HS3ST5: variants seen among roughly 807,000 people sequenced by gnomAD.
HS3ST5 encodes the protein heparan sulfate-glucosamine 3-sulfotransferase 5, also known as heparan sulfate glucosamine 3-O-sulfotransferase 5.
Under a neutral mutation model 25.4 loss-of-function variants are expected in HS3ST5, and 10 were observed. The observed-to-expected ratio is 0.39, with a 90% CI of 0.24 to 0.67. The LOEUF (loss-of-function observed/expected upper bound fraction) is 0.67, where lower values mean the gene tolerates loss of function less well. HS3ST5 is among the 30% of genes least tolerant of loss of function. HS3ST5 has a pLI of 0.44. For synonymous variants in HS3ST5, 170 were observed against 162.4 expected, an observed-to-expected ratio of 1.05 and a Z score of -0.36; for missense variants, 324 against 420.7, an observed-to-expected ratio of 0.77 and a Z score of 2.01.
intron 2 of HS3ST5, among the ~76,000 whole-genome samples, chr6:114,224,108 A>C (rs1320986482): frequency 3.3e-5 from 5 of 151,484 alleles, no homozygotes; most frequent in Admixed American, 2.6e-4. Flanking sequence ...AAGATTTTTA[A>C]TTCCTAATTT....
At chr6:114,071,384 T>G (rs1773816858) in intron 3 of HS3ST5, among the ~76,000 whole-genome samples, 1 of 152,352 alleles carries the variant, frequency 6.6e-6, no homozygotes, top group Admixed American at 6.5e-5. Context: ...TGCTCTCAGA[T>G]TCCTTGGGAA....
In HS3ST5 at chr6:114,341,362, G is replaced by A. The variant is rs149902093; in HGVS notation, c.-339+833C>T. ...TGAAGTAGGGAAGCGGAAGAGTAGA[G>A]GAAACCCACCAAGGTGAAGTGACTC... On this transcript the variant is annotated intron_variant, in intron 1 of 4. Coordinates refer to ENST00000312719, the MANE Select transcript of HS3ST5 (RefSeq NM_153612.4). 2.3e-3 allele frequency among the ~76,000 whole-genome samples: 350 copies of A among 152,172 alleles called. 3 individuals carry two copies. The highest frequency in any genetic ancestry group is 8.0e-3 in the African/African-American group (332 of 41,522).
rs540845256 is a variant in HS3ST5 at position 114,160,673 on chromosome 6, A to C, written c.-33+7678T>G. On this transcript the variant is annotated intron_variant, in intron 3 of 4. Transcript: ENST00000312719. ...AATGCACCATTAACATTTTAAAAGAAAGTTCTCTAGTTCTTACCAAAAAGA... is the reference window on the plus strand; with the variant it reads ...AATGCACCATTAACATTTTAAAAGACAGTTCTCTAGTTCTTACCAAAAAGA... 8.5e-5 allele frequency among the ~76,000 whole-genome samples: 13 copies of C among 152,314 alleles called. No individual in the cohort carries two copies. In the South Asian group the frequency reaches 2.7e-3, roughly 32 times the overall value.
intron 2 of HS3ST5, among the ~76,000 whole-genome samples, chr6:114,223,505 T>C (rs556146520): frequency 2.6e-5 from 4 of 151,912 alleles, no homozygotes; most frequent in East Asian, 1.9e-4. Context: ...AAAATTATTA[T>C]CATCTGCATT....
chr6:114,135,373 G>A (rs1389533788), intron 3 of HS3ST5, among the ~76,000 whole-genome samples: 25 of 152,288 alleles, frequency 1.6e-4, no homozygotes, highest in Non-Finnish European at 1.5e-5. Context: ...AGAGACAGGA[G>A]GAAGAAGGGG....
chr6:114,249,725 G>A (rs922249374), intron 1 of HS3ST5, among the ~76,000 whole-genome samples: 1 of 152,190 alleles, frequency 6.6e-6, no homozygotes, highest in Non-Finnish European at 1.5e-5. Context: ...TAAGTCAAGA[G>A]TTCCCATGAT....
chr6:114,060,331 A>G (rs964509466), intron 4 of HS3ST5, among the ~76,000 whole-genome samples: 5 of 152,202 alleles, frequency 3.3e-5, no homozygotes, highest in East Asian at 3.8e-4. Context: ...TTTAAAAAAC[A>G]GGATTTAACC....
intron 3 of HS3ST5, among the ~76,000 whole-genome samples, chr6:114,099,269 C>T (rs547702052): frequency 3.9e-4 from 60 of 152,260 alleles, no homozygotes; most frequent in African/African-American, 1.4e-3. Context: ...GATTTTAAGG[C>T]AGCAGCCCTA....
At chr6:114,321,617 C>T (rs559639883) in intron 1 of HS3ST5, among the ~76,000 whole-genome samples, 96 of 152,146 alleles carry the variant, frequency 6.3e-4, no homozygotes, top group Non-Finnish European at 1.8e-4. Context: ...TGTAGCACAA[C>T]ACAATAATAA....
intron 3 of HS3ST5, among the ~76,000 whole-genome samples, chr6:114,166,981 A>G (rs1260953691): frequency 6.6e-6 from 1 of 152,218 alleles, no homozygotes; most frequent in Non-Finnish European, 1.5e-5. Context: ...TAAGAACAGA[A>G]AAGAATAATT....
intron 1 of HS3ST5, among the ~76,000 whole-genome samples, chr6:114,296,693 C>A (rs1164765421): frequency 1.3e-5 from 2 of 152,078 alleles, no homozygotes; most frequent in South Asian, 2.1e-4. Context: ...AAGGGCACAG[C>A]CAACAGCAGG....
At chr6:114,168,047 AAC>A (rs551031118) in intron 3 of HS3ST5, among the ~76,000 whole-genome samples, 1 of 152,176 alleles carries the variant, frequency 6.6e-6, no homozygotes, top group East Asian at 1.9e-4. Flanking sequence ...GACAAAAACA[AAC>A]ACACACACAA....
At chr6:114,305,204 A>C (rs1424709497) in intron 1 of HS3ST5, among the ~76,000 whole-genome samples, 1 of 152,154 alleles carries the variant, frequency 6.6e-6, no homozygotes, top group East Asian at 1.9e-4. Flanking sequence ...TTTAAAAATC[A>C]TATTCATTAA....
intron 3 of HS3ST5, chr6:114,143,063 A>G (rs546123863): frequency 1.2e-4 from 19 of 152,170 alleles, no homozygotes; most frequent in Non-Finnish European, 2.4e-4. Flanking sequence ...ACTGACTCCA[A>G]AGTACTTGTC....
rs560035131 is a variant in HS3ST5 at position 114,106,858 on chromosome 6, G to C, written c.-32-43981C>G. Reference sequence around the variant, plus strand: ...AGTTCTATTGGAGAAAAGTTACCAGGTAAGATATAAGTTCTATAAGATTGT... The same window carrying C: ...AGTTCTATTGGAGAAAAGTTACCAGCTAAGATATAAGTTCTATAAGATTGT... On this transcript the variant is annotated intron_variant, in intron 3 of 4. Transcript: ENST00000312719. 3.9e-5 allele frequency among the ~76,000 whole-genome samples: 6 copies of C among 152,102 alleles called. No homozygotes were observed. In the South Asian group the frequency reaches 1.2e-3, roughly 32 times the overall value.
intron 3 of HS3ST5, among the ~76,000 whole-genome samples, chr6:114,129,565 ATAT>A (rs1274010201): frequency 6.6e-6 from 1 of 152,176 alleles, no homozygotes; most frequent in African/African-American, 2.4e-5. Context: ...AAGAATCTTA[ATAT>A]AACATCTAGC....
intron 3 of HS3ST5, among the ~76,000 whole-genome samples, chr6:114,080,582 C>T (rs1051099931): frequency 2.0e-5 from 3 of 152,216 alleles, no homozygotes; most frequent in Non-Finnish European, 4.4e-5. Context: ...GGTGCATATA[C>T]ACTATGGAAT....
intron 1 of HS3ST5, among the ~76,000 whole-genome samples, chr6:114,238,349 A>T (rs956614281): frequency 2.0e-5 from 3 of 152,222 alleles, no homozygotes; most frequent in Non-Finnish European, 4.4e-5. Flanking sequence ...TGGTTTGGCC[A>T]AAGGAAAGAG....
At chr6:114,300,155 G>A (rs529082738) in intron 1 of HS3ST5, among the ~76,000 whole-genome samples, 29 of 151,560 alleles carry the variant, frequency 1.9e-4, no homozygotes, top group African/African-American at 4.8e-4. Context: ...GAAAAAAACC[G>A]GATTTCATCA....
Sources: allele counts gnomAD v4.1 joint callset (sites outside exome capture counted in the v4.1 genomes callset), GRCh38; gene constraint gnomAD v4.1.1; transcripts MANE v1.5; gene names NCBI Gene and HGNC (gene_info 2026-07-23, HGNC 2026-07-21).